Variants in TRIP12 observed in about 807,000 individuals in gnomAD.
The protein encoded by TRIP12 is E3 ubiquitin-protein ligase TRIP12.
Under a neutral mutation model 244.2 loss-of-function variants are expected in TRIP12, and 25 were observed. The ratio of observed to expected loss-of-function variants is 0.10; its 90% CI spans 0.07 to 0.14. The LOEUF (loss-of-function observed/expected upper bound fraction) is 0.14. TRIP12 is among the 10% of genes least tolerant of loss of function. The probability of loss-of-function intolerance (pLI) is 1.00; values close to 1 mark genes in which losing one functional copy is unlikely to be tolerated. For synonymous variants in TRIP12, 905 were observed against 873.1 expected, an observed-to-expected ratio of 1.04 and a Z score of -0.64; for missense variants, 1,677 against 2,486.4, an observed-to-expected ratio of 0.67 and a Z score of 6.92.
chr2:229,867,711 AGT>A (rs2061825595), intron 2 of TRIP12, among the ~76,000 whole-genome samples: 1 of 152,310 alleles, frequency 6.6e-6, no homozygotes, highest in African/African-American at 2.4e-5. Context: ...AGTGGTTTGG[AGT>A]ATCAGAAGAA....
chr2:229,880,631 C>T (rs1370960187), intron 1 of TRIP12, among the ~76,000 whole-genome samples: 2 of 152,112 alleles, frequency 1.3e-5, no homozygotes, highest in African/African-American at 2.4e-5. Flanking sequence ...TTGTGAATAA[C>T]AAATGAAAAA....
intron 9 of TRIP12, among the ~76,000 whole-genome samples, chr2:229,816,755 A>G (rs1489246768): frequency 6.6e-6 from 1 of 152,226 alleles, no homozygotes; most frequent in East Asian, 1.9e-4. Context: ...AACTGTAGAT[A>G]GTATAAGGTA....
intron 1 of TRIP12, among the ~76,000 whole-genome samples, chr2:229,885,086 G>T (rs2065739393): frequency 6.6e-6 from 1 of 151,830 alleles, no homozygotes; most frequent in Admixed American, 6.6e-5. Context: ...TATTTACTGT[G>T]ATTTTTCTAT....
chr2:229,837,105 T>A, intron 5 of TRIP12, 121 bp from the exon 6 acceptor site: 1 of 1,073,310 alleles, frequency 9.3e-7, no homozygotes, highest in East Asian at 3.1e-5. Context: ...TCTTTTTAAA[T>A]AAAAGTAAGT....
intron 8 of TRIP12, among the ~76,000 whole-genome samples, chr2:229,825,965 C>G (rs1283122814): frequency 6.6e-6 from 1 of 152,106 alleles, no homozygotes; most frequent in Non-Finnish European, 1.5e-5. Context: ...CCACTGCTTA[C>G]AATTATACTT....
chr2:229,880,318 C>T (rs751908805), intron 1 of TRIP12, among the ~76,000 whole-genome samples, 190 bp from the exon 2 acceptor site: 13 of 152,126 alleles, frequency 8.5e-5, no homozygotes, highest in African/African-American at 3.1e-4. Flanking sequence ...TGTCAGGGTA[C>T]GTGTAACATA....
chr2:229,809,224 G>A (rs114550421), intron 15 of TRIP12, among the ~76,000 whole-genome samples: 165 of 152,242 alleles, frequency 1.1e-3, no homozygotes, highest in Admixed American at 3.1e-3. Flanking sequence ...CACAATTAGT[G>A]ATTAAGATTT....
At chr2:229,828,212 T>A (rs1347429750) in intron 8 of TRIP12, among the ~76,000 whole-genome samples, 1 of 152,106 alleles carries the variant, frequency 6.6e-6, no homozygotes, top group African/African-American at 2.4e-5. Context: ...CACAAAGAGG[T>A]GTGGCATTGT....
intron 34 of TRIP12, among the ~76,000 whole-genome samples, chr2:229,782,045 G>A (rs1281073213): frequency 6.6e-6 from 1 of 152,166 alleles, no homozygotes; most frequent in Non-Finnish European, 1.5e-5. Context: ...AGGGATGAGA[G>A]AGGAAAGATA....
chr2:229,794,984 G>A, intron 26 of TRIP12, 195 bp downstream of exon 26: 5 of 509,558 alleles, frequency 9.8e-6, no homozygotes, highest in Non-Finnish European at 1.6e-5. Context: ...AAAGCATCCT[G>A]TTTAAGGCAT....
intron 15 of TRIP12, among the ~76,000 whole-genome samples, chr2:229,808,697 C>A (rs2046494949): frequency 6.6e-6 from 1 of 152,186 alleles, no homozygotes; most frequent in South Asian, 2.1e-4. Flanking sequence ...AAAATGCATT[C>A]AACATACCAC....
chr2:229,864,054 G>A (rs1360718664), intron 2 of TRIP12, among the ~76,000 whole-genome samples: 2 of 132,134 alleles, frequency 1.5e-5, no homozygotes, highest in Non-Finnish European at 3.1e-5. Context: ...GAGAGTGTGT[G>A]TGTGTGTGTG....
Position 229,810,824 on chromosome 2 carries a change from T to G in TRIP12, c.2221+56A>C, listed in dbSNP as rs1402805749. On this transcript the variant is annotated intron_variant, in intron 15 of 41. Coordinates refer to ENST00000675903, the MANE Select transcript of TRIP12 (RefSeq NM_001348323.3). The stretch of plus-strand genomic sequence containing the variant: ...TTGCTCGGCTTATGTTGACTTTACA[T>G]ATTAATGAAGAACCAACTTTTCCTG... 3.2e-6 allele frequency: 5 copies of G among 1,567,848 alleles called. No individual in the cohort carries two copies. In the African/African-American group the frequency reaches 5.5e-5, roughly 17 times the overall value.
intron 2 of TRIP12, among the ~76,000 whole-genome samples, chr2:229,875,113 T>C (rs2063361207): frequency 6.6e-6 from 1 of 151,952 alleles, no homozygotes; most frequent in Admixed American, 6.6e-5. Context: ...ACAGGTCAGC[T>C]ACAATCCAAA....
chr2:229,857,782 A>T (rs1365893459), intron 4 of TRIP12, among the ~76,000 whole-genome samples: 2 of 152,246 alleles, frequency 1.3e-5, no homozygotes, highest in African/African-American at 4.8e-5. Context: ...AGGAATGCAC[A>T]TAACGCTATG....
Position 229,850,670 on chromosome 2 carries a change from C to T in TRIP12, c.1027+8102G>A, listed in dbSNP as rs190845492. On this transcript the variant is annotated intron_variant, in intron 4 of 41. Transcript: ENST00000675903. ...TGCAATGTGGGAGCCCCTTTCTGGG[C>T]TGGCCAAGGCCAGAGCCCACTCCCT... Among the ~76,000 whole-genome samples the T allele has an allele frequency of 2.3e-3, 358 of 152,350 alleles. 1 individual carries two copies. The highest frequency in any genetic ancestry group is 8.0e-3 in the African/African-American group (333 of 41,594).
intron 8 of TRIP12, among the ~76,000 whole-genome samples, chr2:229,820,961 T>C (rs1405096780): frequency 6.6e-6 from 1 of 152,196 alleles, no homozygotes; most frequent in Non-Finnish European, 1.5e-5. Context: ...TAACTGTATT[T>C]ATTTTTAAAA....
In TRIP12 at chr2:229,813,963, T is replaced by C; in HGVS notation, c.1893A>G (p.Ala631=). 6.3e-7 allele frequency: 1 copy of C among 1,599,814 alleles called. No individual in the cohort carries two copies. The highest frequency in any genetic ancestry group is 8.6e-7 in the Non-Finnish European group (1 of 1,168,668). Residue 631 remains alanine (A), a synonymous_variant, in exon 13 of 42, where the codon GCA becomes GCG. Transcript: ENST00000675903. ...TACTCTGGCAGCAATTAGCTGCAAT[T>C]GCTAATGCATTTCTTTGGGCATTTA... ...FSINAQRNAL[A]IAANCCQSIT...
intron 8 of TRIP12, among the ~76,000 whole-genome samples, chr2:229,823,527 T>A (rs1178176508): frequency 6.6e-6 from 1 of 151,422 alleles, no homozygotes; most frequent in Non-Finnish European, 1.5e-5. Flanking sequence ...AAAAAAAAAA[T>A]TAGCCAGGTG....
Sources: gnomAD v4.1 joint callset for allele counts (sites outside exome capture counted in the v4.1 genomes callset) on GRCh38, gnomAD v4.1.1 for gene constraint, MANE v1.5 for transcripts, NCBI Gene and HGNC (gene_info 2026-07-23, HGNC 2026-07-21) for gene names.